The following NRG1 variants were observed in gnomAD, a reference collection of about 807,000 sequenced individuals.
The protein encoded by NRG1 is pro-neuregulin-1, membrane-bound isoform.
A neutral mutation model predicts 63.8 loss-of-function variants in NRG1; 18 were observed. That is an observed-to-expected ratio of 0.28 (90% CI 0.19 to 0.42). NRG1 has a LOEUF of 0.42. NRG1 is among the 10% of genes least tolerant of loss of function. NRG1 has a pLI of 1.00. For missense variants in NRG1, 762 were observed against 814.7 expected (o/e 0.94, Z 0.79); for synonymous variants, 302 against 301.3 (o/e 1.00, Z -0.02).
chr8:32,191,368 C>T (rs974013606), intron 1 of NRG1, among the ~76,000 whole-genome samples: 5 of 152,164 alleles, frequency 3.3e-5, no homozygotes, highest in African/African-American at 1.2e-4. Context: ...GCATGAGCCA[C>T]CACACCTGGC....
intron 1 of NRG1, among the ~76,000 whole-genome samples, chr8:31,960,434 G>T (rs534153824): frequency 6.6e-6 from 1 of 152,280 alleles, no homozygotes; most frequent in South Asian, 2.1e-4. Context: ...AAATCATTCT[G>T]ATAGGCTTCT....
chr8:32,632,158 G>T (rs190460911), intron 5 of NRG1, among the ~76,000 whole-genome samples: 207 of 152,250 alleles, frequency 1.4e-3, no homozygotes, highest in African/African-American at 4.7e-3. Context: ...TTTTTAAAGT[G>T]AAAATCATTT....
chr8:32,742,133 C>T lies in NRG1; in HGVS notation c.633-542C>T. ...CCCCAACTACAGCAACAATCACTAC[C>T]ACTTGGTGCTTTTACAGCTCAGTCG... is the stretch of plus-strand genomic sequence containing the variant. On this transcript the variant is annotated intron_variant, in intron 6 of 11. Transcript: ENST00000356819. The surrounding 1 kb of genome is among the most constrained non-coding windows in gnomAD (Gnocchi z 4.2). The T allele has an allele frequency of 7.3e-7, 1 of 1,363,034 alleles. No individual in the cohort carries two copies. The highest frequency in any genetic ancestry group is 1.4e-5 in the African/African-American group (1 of 70,122). The allele number at this position is 1,363,034 out of a possible 1,614,324, so 84.4% of individuals were successfully genotyped here. A position where few individuals can be genotyped will look rare whatever the true frequency, so the allele number is the denominator to read the frequency against.
At chr8:32,448,491 T>C (rs577598979) in intron 1 of NRG1, among the ~76,000 whole-genome samples, 1 of 152,320 alleles carries the variant, frequency 6.6e-6, no homozygotes, top group South Asian at 2.1e-4. Flanking sequence ...ATTACTCTTT[T>C]AGCTGGCCCG....
chr8:32,189,646 A>G (rs1179878765), intron 1 of NRG1, among the ~76,000 whole-genome samples: 2 of 152,194 alleles, frequency 1.3e-5, no homozygotes, highest in Non-Finnish European at 1.5e-5. Flanking sequence ...GGGCTGCCCA[A>G]AGATACTAAA....
At chr8:32,361,160 TCTC>T (rs1407293332) in intron 1 of NRG1, among the ~76,000 whole-genome samples, 2 of 152,286 alleles carry the variant, frequency 1.3e-5, no homozygotes, top group East Asian at 3.9e-4. Context: ...CAATTCCTCT[TCTC>T]TATCATTACC....
chr8:32,571,635 A>G (rs1482986176), intron 1 of NRG1, among the ~76,000 whole-genome samples: 1 of 151,560 alleles, frequency 6.6e-6, no homozygotes, highest in Non-Finnish European at 1.5e-5. Flanking sequence ...TTTTACTCAC[A>G]TCTTTCTTCA....
At chr8:31,988,508 GAT>G (rs373688346) in intron 1 of NRG1, among the ~76,000 whole-genome samples, 38 of 152,220 alleles carry the variant, frequency 2.5e-4, no homozygotes, top group African/African-American at 8.7e-4. Context: ...AAAAAGGAAT[GAT>G]GAACAATTAT....
chr8:32,507,193 T>TA (rs1346794678), intron 1 of NRG1, among the ~76,000 whole-genome samples: 1 of 152,116 alleles, frequency 6.6e-6, no homozygotes, highest in Non-Finnish European at 1.5e-5. Context: ...TGCCTCTTAC[T>TA]AAATAGTTGT....
At chr8:32,343,972 C>G (rs1804407510) in intron 1 of NRG1, among the ~76,000 whole-genome samples, 1 of 152,194 alleles carries the variant, frequency 6.6e-6, no homozygotes, top group Non-Finnish European at 1.5e-5. Flanking sequence ...AATGCTCAAT[C>G]TTCCATGCAC....
chr8:31,972,422 A>C (rs1807449261), intron 1 of NRG1, among the ~76,000 whole-genome samples: 2 of 152,124 alleles, frequency 1.3e-5, no homozygotes, highest in Admixed American at 6.6e-5. Context: ...CTTTCTTGGC[A>C]CTTGTTACTA....
chr8:32,193,419 A>G (rs1842681753), intron 1 of NRG1, among the ~76,000 whole-genome samples: 1 of 152,150 alleles, frequency 6.6e-6, no homozygotes, highest in Non-Finnish European at 1.5e-5. Flanking sequence ...TTAGAAATGA[A>G]AAATAATGCC....
intron 1 of NRG1, among the ~76,000 whole-genome samples, chr8:31,859,857 C>A (rs1056158362): frequency 3.9e-5 from 6 of 152,170 alleles, no homozygotes; most frequent in African/African-American, 1.4e-4. Context: ...AACTTAATTC[C>A]ATTTTACATT....
chr8:32,481,847 A>C (rs1417802037), intron 1 of NRG1, among the ~76,000 whole-genome samples: 1 of 152,202 alleles, frequency 6.6e-6, no homozygotes, highest in Non-Finnish European at 1.5e-5. Context: ...ATCACAGTAC[A>C]TCAAGTGAAT....
At chr8:32,723,156 A>G (rs534894068) in intron 5 of NRG1, among the ~76,000 whole-genome samples, 43 of 14,196 alleles carry the variant, frequency 3.0e-3, no homozygotes, top group African/African-American at 0.013. Flanking sequence ...ACCCTTTGGT[A>G]TCCATTTTTG....
chr8:32,216,188 TTG>T (rs201598378), intron 1 of NRG1, among the ~76,000 whole-genome samples: 6,243 of 150,426 alleles, frequency 0.042, 294 homozygotes, highest in East Asian at 0.25. Flanking sequence ...ATACATTTTA[TTG>T]TGTTATTATA....
chr8:32,209,217 T>A (rs1485436326), intron 1 of NRG1, among the ~76,000 whole-genome samples: 2 of 152,138 alleles, frequency 1.3e-5, no homozygotes, highest in East Asian at 1.9e-4. Context: ...TAACAATGAA[T>A]GCCTGACATA....
intron 5 of NRG1, among the ~76,000 whole-genome samples, chr8:32,675,070 G>C (rs1589135720): frequency 6.6e-6 from 1 of 152,296 alleles, no homozygotes; most frequent in East Asian, 1.9e-4. Flanking sequence ...ACAATGATGA[G>C]AGAATGGCTC....
rs548262717 is a variant in NRG1, at chr8:31,754,607, T to C, written c.37+115176T>C. On this transcript the variant is annotated intron_variant, in intron 1 of 10. Transcript: ENST00000519301. ...TTATAGCAACGCAACAATGAATGAATACACCATGGGATGCTGCTGATGTTT... is the reference window on the plus strand; with the variant it reads ...TTATAGCAACGCAACAATGAATGAACACACCATGGGATGCTGCTGATGTTT... Among the ~76,000 whole-genome samples, 11 of 152,170 alleles carry C rather than the reference T, an allele frequency of 7.2e-5. No individual in the cohort carries two copies. The Middle Eastern group carries it at 0.014, about 188-fold the overall frequency.
Sources: allele counts gnomAD v4.1 joint callset (sites outside exome capture counted in the v4.1 genomes callset), GRCh38; gene constraint gnomAD v4.1.1; non-coding constraint Gnocchi (gnomAD v3.1); transcripts MANE v1.5; gene names NCBI Gene and HGNC (gene_info 2026-07-23, HGNC 2026-07-21).